Variants in ETV1 observed in about 807,000 individuals in gnomAD.
The protein encoded by ETV1 is ETS translocation variant 1.
A neutral mutation model predicts 62.3 loss-of-function variants in ETV1; 27 were observed. The ratio of observed to expected loss-of-function variants is 0.43; its 90% confidence interval spans 0.32 to 0.60. The LOEUF is 0.60. Among genes scored for constraint, ETV1 ranks in the 20% least tolerant of loss-of-function variants. The pLI, the probability that ETV1 is intolerant of heterozygous loss-of-function variation, is 0.06. For synonymous variants in ETV1, 222 were observed against 199.6 expected, an observed-to-expected ratio of 1.11 and a Z score of -0.94; for missense variants, 605 against 605.8, an observed-to-expected ratio of 1.00 and a Z score of 0.01.
chr7:13,919,451 T>C (rs1784567378), intron 9 of ETV1, among the ~76,000 whole-genome samples: 1 of 150,504 alleles, frequency 6.6e-6, no homozygotes, highest in Non-Finnish European at 1.5e-5. Flanking sequence ...TGAATCACAA[T>C]AACACATGCT....
chr7:13,910,114 A>G (rs1783409456), intron 10 of ETV1, among the ~76,000 whole-genome samples: 1 of 151,932 alleles, frequency 6.6e-6, no homozygotes, highest in Non-Finnish European at 1.5e-5. Flanking sequence ...TTATATTATT[A>G]GTCTGATGCT....
Position 13,894,112 on chromosome 7 carries a change from G to A in ETV1, c.*1754C>T, listed in dbSNP as rs1350407150. On this transcript the variant is annotated 3_prime_UTR_variant, in exon 14 of 14. Transcript: ENST00000430479. ...AAACAATCTTTTTCATGCTCATCACGAAATGCTTTTACAATAGGTTTATTT... is the reference window on the plus strand; with the variant it reads ...AAACAATCTTTTTCATGCTCATCACAAAATGCTTTTACAATAGGTTTATTT... 78 of 232,126 alleles carry A rather than the reference G, an allele frequency of 3.4e-4. No individual in the cohort carries two copies. Among genetic ancestry groups the A allele is most frequent in the Non-Finnish European group, 1.7e-5 (2 of 117,688 alleles). 14.4% of individuals were successfully genotyped at this position (232,126 alleles called of 1,614,324 possible).
Position 13,966,611 on chromosome 7 carries a change from C to T in ETV1, c.235+10816G>A, listed in dbSNP as rs182659452. ...GCAGTGAGCTGAGATCATGCCACTG[C>T]ACTCCAGACTGGGCGACAGAGTGAG... On this transcript the variant is annotated intron_variant, in intron 6 of 13. Transcript: ENST00000430479. 9.9e-5 allele frequency among the ~76,000 whole-genome samples: 15 copies of T among 152,176 alleles called. No individual in the cohort carries two copies. The East Asian group carries it at 2.9e-3, about 30-fold the overall frequency.
chr7:13,935,998 A>C, intron 7 of ETV1, 102 bp from the exon 8 acceptor site: 2 of 902,302 alleles, frequency 2.2e-6, no homozygotes, highest in Non-Finnish European at 3.3e-6. Context: ...GACTTAAGTC[A>C]AATGGAAATG....
intron 10 of ETV1, among the ~76,000 whole-genome samples, chr7:13,910,863 G>A (rs1298475301): frequency 2.0e-5 from 3 of 152,028 alleles, no homozygotes; most frequent in Admixed American, 6.5e-5. Flanking sequence ...CCTTTAAATC[G>A]ATGGCATTTT....
chr7:13,944,650 G>GC (rs1787946136), intron 6 of ETV1, among the ~76,000 whole-genome samples: 1 of 145,072 alleles, frequency 6.9e-6, no homozygotes, highest in South Asian at 2.1e-4. Flanking sequence ...GAACACAGGA[G>GC]CCCCAAATCT....
intron 5 of ETV1, chr7:13,986,121 G>A (rs753342093): frequency 1.9e-6 from 3 of 1,585,070 alleles, no homozygotes; most frequent in East Asian, 2.3e-5. Flanking sequence ...CACACCTAAC[G>A]TTCTGTGTTG....
In ETV1 at chr7:13,989,042, A is replaced by G. The variant is rs777428309; in HGVS notation, c.11T>C (p.Phe4Ser). Residue 4 changes from phenylalanine to serine, a missense_variant, in exon 3 of 14, where the codon TTT (phenylalanine) becomes TCT (serine). Phe to Ser is a radical substitution (Grantham distance 155, BLOSUM62 -2). Transcript: ENST00000430479. ...CATGTAAGGCACTTGCTGGTCATAA[A>G]ATCCATCCATGCTGCTGCTCTTCGC... is the stretch of plus-strand genomic sequence containing the variant. The part of the protein sequence containing the change: MDG[F>S]YDQQVPYMVT... 6.2e-7 allele frequency: 1 copy of G among 1,605,754 alleles called. No individual in the cohort carries two copies. Among genetic ancestry groups the G allele is most frequent in the African/African-American group, 1.3e-5 (1 of 74,706 alleles).
chr7:13,988,767 G>GT (rs1186016043), intron 3 of ETV1: 1 of 1,610,990 alleles, frequency 6.2e-7, no homozygotes, highest in Non-Finnish European at 8.5e-7. Flanking sequence ...TTCCACTCAT[G>GT]TTGGGCACTT....
At chr7:13,903,762 CAA>C (rs534972176) in intron 12 of ETV1, among the ~76,000 whole-genome samples, 30,388 of 92,640 alleles carry the variant, frequency 0.33, 3,030 homozygotes, top group South Asian at 0.41. Context: ...GATTCCATCT[CAA>C]AAAAAAAAAA....
intron 6 of ETV1, among the ~76,000 whole-genome samples, chr7:13,952,266 A>G (rs1056120150): frequency 3.9e-5 from 6 of 152,128 alleles, no homozygotes; most frequent in African/African-American, 1.4e-4. Flanking sequence ...CCATTAGGCC[A>G]AGTCATCTTT....
chr7:13,899,478 G>A (rs1782189963), intron 13 of ETV1, among the ~76,000 whole-genome samples: 1 of 152,178 alleles, frequency 6.6e-6, no homozygotes, highest in South Asian at 2.1e-4. Flanking sequence ...AATGTTCTAG[G>A]AAAGTCAACA....
chr7:13,986,777 T>C, intron 4 of ETV1, 92 bp from the exon 5 acceptor site: 1 of 965,768 alleles, frequency 1.0e-6, no homozygotes, highest in Non-Finnish European at 1.5e-6. Flanking sequence ...GTATTAAATA[T>C]AAATTTAATT....
At chr7:13,935,237 G>T (rs1433126894) in intron 8 of ETV1, among the ~76,000 whole-genome samples, 2 of 152,152 alleles carry the variant, frequency 1.3e-5, no homozygotes, top group Non-Finnish European at 2.9e-5. Flanking sequence ...ACCTGGAAAA[G>T]ATGGTCAACA....
chr7:13,968,973 A>G (rs770822645), intron 6 of ETV1, among the ~76,000 whole-genome samples: 2 of 152,216 alleles, frequency 1.3e-5, no homozygotes, highest in Non-Finnish European at 2.9e-5. Flanking sequence ...GATTTAAAAA[A>G]TGTATTCCTT....
intron 12 of ETV1, among the ~76,000 whole-genome samples, chr7:13,901,067 C>T (rs899735184): frequency 1.1e-4 from 16 of 150,480 alleles, no homozygotes; most frequent in African/African-American, 2.4e-4. Flanking sequence ...TGCAGTGGCG[C>T]GAACTTGGCT....
intron 9 of ETV1, among the ~76,000 whole-genome samples, chr7:13,914,482 T>A (rs1234865611): frequency 6.6e-6 from 1 of 152,096 alleles, no homozygotes; most frequent in African/African-American, 2.4e-5. Context: ...CCTGTTGTCA[T>A]TTTAATGCAC....
chr7:13,927,219 C>A (rs1437702938), intron 9 of ETV1, among the ~76,000 whole-genome samples: 1 of 152,096 alleles, frequency 6.6e-6, no homozygotes, highest in Non-Finnish European at 1.5e-5. Context: ...GAGGCTGAGG[C>A]TGGCGGATCA....
At chr7:13,899,787 T>C (rs1583555762) in intron 13 of ETV1, among the ~76,000 whole-genome samples, 1 of 152,208 alleles carries the variant, frequency 6.6e-6, no homozygotes, top group African/African-American at 2.4e-5. Context: ...AAAAATGTTG[T>C]ATTTTATTTT....
Sources: allele counts gnomAD v4.1 joint callset (sites outside exome capture counted in the v4.1 genomes callset), GRCh38; gene constraint gnomAD v4.1.1; transcripts MANE v1.5; gene names NCBI Gene and HGNC (gene_info 2026-07-23, HGNC 2026-07-21).